Variants in TACC2 observed in about 807,000 individuals in gnomAD.
TACC2 encodes transforming acidic coiled-coil containing protein 2.
Under a neutral mutation model 227.3 loss-of-function variants are expected in TACC2, and 137 were observed. The observed-to-expected ratio is 0.60, with a 90% CI of 0.52 to 0.69. The LOEUF is 0.69. TACC2 is among the 30% of genes least tolerant of loss of function. The pLI, the probability that TACC2 is intolerant of heterozygous loss-of-function variation, is 0.00. For synonymous variants in TACC2, 1,523 were observed against 1,487.5 expected (o/e 1.02, Z -0.55); for missense variants, 3,470 against 3,694.4 (o/e 0.94, Z 1.57).
At chr10:122,111,037 C>T (rs2083525824) in intron 5 of TACC2, among the ~76,000 whole-genome samples, 1 of 152,214 alleles carries the variant, frequency 6.6e-6, no homozygotes, top group African/African-American at 2.4e-5. Context: ...CTCTCGCTCA[C>T]TGTGCTTCCA....
chr10:122,241,869 G>A, intron 18 of TACC2, 89 bp from the exon 19 acceptor site: 1 of 1,275,830 alleles, frequency 7.8e-7, no homozygotes, highest in Admixed American at 1.7e-5. Flanking sequence ...GGGCCCTGCT[G>A]GACATGGGTC....
rs539212824 is a variant in TACC2, at chr10:122,243,880, C to G, written c.8392+1879C>G. On this transcript the variant is annotated intron_variant, in intron 19 of 22. Coordinates refer to ENST00000369005, the MANE Select transcript of TACC2 (RefSeq NM_206862.4). ...GGGGGAAAGGGTGTGAGCTTTTGCT[C>G]CTGAGAGAAAGCTACCCAAGCCATC... is the stretch of plus-strand genomic sequence containing the variant. Among the ~76,000 whole-genome samples, 3 of 152,174 alleles carry G rather than the reference C, an allele frequency of 2.0e-5. No individual in the cohort carries two copies. The South Asian group carries it at 6.2e-4, about 32-fold the overall frequency.
chr10:122,240,938 G>A lies in TACC2; in HGVS notation c.8349-1020G>A, dbSNP rs367633530. 1.7e-4 allele frequency among the ~76,000 whole-genome samples: 26 copies of A among 152,282 alleles called. No homozygotes were observed. The South Asian group carries it at 5.2e-3, about 30-fold the overall frequency. ...AGGCTTCCCAAGAAGTTTACTCTGG[G>A]CCAGTAGGAGATGAGATTTGTGTTC... is the stretch of plus-strand genomic sequence containing the variant. On this transcript the variant is annotated intron_variant, in intron 18 of 22. Transcript: ENST00000369005.
chr10:122,108,520 A>G (rs2083198945), intron 5 of TACC2, among the ~76,000 whole-genome samples: 3 of 135,974 alleles, frequency 2.2e-5, no homozygotes, highest in African/African-American at 8.4e-5. Flanking sequence ...ATCTTGGCTC[A>G]CTGCAACCTC....
chr10:122,212,691 C>T (rs2095321023), intron 9 of TACC2, among the ~76,000 whole-genome samples: 1 of 152,172 alleles, frequency 6.6e-6, no homozygotes, highest in African/African-American at 2.4e-5. Context: ...TTCTGGGCTC[C>T]CCCTAACATT....
Position 122,237,281 on chromosome 10 carries a change from T to A in TACC2, c.8128-114T>A, listed in dbSNP as rs2295877. 730 of 1,013,330 alleles carry A rather than the reference T, an allele frequency of 7.2e-4. 7 individuals carry two copies. In the East Asian group the frequency reaches 0.016, roughly 23 times the overall value. 62.8% of individuals were successfully genotyped at this position (1,013,330 alleles called of 1,614,324 possible). A position where few individuals can be genotyped will look rare whatever the true frequency, so the allele number is the denominator to read the frequency against. On this transcript the variant is annotated intron_variant, in intron 16 of 22. Transcript: ENST00000369005. ...TCTTTGCACTTTCTCATACTTTTGA[T>A]GTTCTTTGTTTCAAAACCATACAAT...
intron 22 of TACC2, among the ~76,000 whole-genome samples, chr10:122,250,870 T>G (rs1466610077): frequency 6.6e-6 from 1 of 151,664 alleles, no homozygotes; most frequent in Non-Finnish European, 1.5e-5. Context: ...ATGTTCCTGG[T>G]TATCCAGAAT....
chr10:122,040,936 A>G (rs533457333), intron 2 of TACC2, among the ~76,000 whole-genome samples: 2 of 152,118 alleles, frequency 1.3e-5, no homozygotes, highest in Non-Finnish European at 2.9e-5. Flanking sequence ...CTCAGCAGAC[A>G]CGCCTCCCCC....
intron 5 of TACC2, among the ~76,000 whole-genome samples, chr10:122,105,942 CTCTG>C (rs774185656): frequency 1.0e-3 from 111 of 109,866 alleles, no homozygotes; most frequent in African/African-American, 3.2e-3. Flanking sequence ...CATTTTCTCT[CTCTG>C]TGTGTGTGTG....
In TACC2 at chr10:122,085,445, A is replaced by G; in HGVS notation, c.2945A>G (p.Glu982Gly). ...FSLAGNFSRK[E>G]TCCTGQGPNK... is the part of the protein sequence containing the mutation. Reference sequence around the variant, plus strand: ...CTTGCAGGGAACTTCAGCAGAAAGGAAACTTGCTGCACTGGGCAGGGGCCA... The same window carrying G: ...CTTGCAGGGAACTTCAGCAGAAAGGGAACTTGCTGCACTGGGCAGGGGCCA... Residue 982 changes from glutamate (E) to glycine (G), a missense_variant, in exon 4 of 23, where the codon GAA becomes GGA. Coordinates refer to ENST00000369005, the MANE Select transcript of TACC2 (RefSeq NM_206862.4). The G allele has an allele frequency of 1.2e-6, 2 of 1,613,880 alleles. No individual in the cohort carries two copies. The highest frequency in any genetic ancestry group is 1.7e-6 in the Non-Finnish European group (2 of 1,180,052).
chr10:122,138,272 G>T (rs1285791313), intron 6 of TACC2, among the ~76,000 whole-genome samples: 2 of 152,154 alleles, frequency 1.3e-5, no homozygotes, highest in Non-Finnish European at 2.9e-5. Flanking sequence ...AGCTTGGAGA[G>T]GCCAAGGCAG....
At chr10:122,036,224 G>C (rs1346575237) in intron 2 of TACC2, among the ~76,000 whole-genome samples, 5 of 142,074 alleles carry the variant, frequency 3.5e-5, no homozygotes, top group African/African-American at 1.1e-4. Flanking sequence ...ACGGAGTCTC[G>C]CTCTGTCACC....
chr10:122,193,580 C>T (rs952282027), intron 7 of TACC2, among the ~76,000 whole-genome samples: 4 of 152,228 alleles, frequency 2.6e-5, no homozygotes, highest in Non-Finnish European at 5.9e-5. Context: ...ACCCCGATTT[C>T]ATGTCTTCAC....
At chr10:122,037,984 G>A (rs1228815396) in intron 2 of TACC2, among the ~76,000 whole-genome samples, 5 of 152,148 alleles carry the variant, frequency 3.3e-5, no homozygotes, top group South Asian at 4.1e-4. Context: ...GCACTCAGTA[G>A]CACTGTAACC....
intron 1 of TACC2, among the ~76,000 whole-genome samples, chr10:122,001,030 C>T: frequency 6.6e-6 from 1 of 152,218 alleles, no homozygotes. Context: ...ATCATGTTGG[C>T]CGGGCTGGTC....
chr10:122,206,254 G>C lies in TACC2; in HGVS notation c.5972-4143G>C, dbSNP rs145285340. On this transcript the variant is annotated intron_variant, in intron 8 of 22. Coordinates refer to ENST00000369005, the MANE Select transcript of TACC2 (RefSeq NM_206862.4). ...CCTGTCCTGGCTTTGTCTCTTTCCT[G>C]GGAGCCCCCTGTCATCTCTAACACA... Among the ~76,000 whole-genome samples, 963 of 152,322 alleles carry C rather than the reference G, an allele frequency of 6.3e-3. 9 individuals carry two copies. The highest frequency in any genetic ancestry group is 0.021 in the African/African-American group (885 of 41,564).
At chr10:122,114,276 A>G (rs569138231) in intron 5 of TACC2, among the ~76,000 whole-genome samples, 1 of 152,270 alleles carries the variant, frequency 6.6e-6, no homozygotes, top group Non-Finnish European at 1.5e-5. Flanking sequence ...TTCCTTATTG[A>G]GGCCACATTT....
At chr10:122,152,565 C>T (rs1016592350) in intron 7 of TACC2, among the ~76,000 whole-genome samples, 5 of 152,200 alleles carry the variant, frequency 3.3e-5, no homozygotes, top group African/African-American at 9.7e-5. Flanking sequence ...TCCATAAACG[C>T]GTGTTGACAC....
At position 122,205,225 on chromosome 10, in the gene TACC2, A is replaced by G. The variant is rs547177811; in HGVS notation, c.5972-5172A>G. On this transcript the variant is annotated intron_variant, in intron 8 of 22. Coordinates refer to ENST00000369005, the MANE Select transcript of TACC2 (RefSeq NM_206862.4). This position sits in a 1 kb window ranked among gnomAD's most constrained non-coding sequence, Gnocchi z 4.5. ...TACGAGAGCAAGATAGACCTCAGGA[A>G]GCAGAGGAGCACAGCCCCACCCGGT... is the stretch of plus-strand genomic sequence containing the variant. Among the ~76,000 whole-genome samples the G allele has an allele frequency of 6.6e-6, 1 of 152,322 alleles. No homozygotes were observed. The highest frequency in any genetic ancestry group is 2.4e-5 in the African/African-American group (1 of 41,580).
Sources: allele counts gnomAD v4.1 joint callset (sites outside exome capture counted in the v4.1 genomes callset), GRCh38; gene constraint gnomAD v4.1.1; non-coding constraint Gnocchi (gnomAD v3.1); transcripts MANE v1.5; gene names NCBI Gene and HGNC (gene_info 2026-07-23, HGNC 2026-07-21).